The following FRMPD4 variants were observed in gnomAD, a reference collection of about 807,000 sequenced individuals.
FRMPD4 encodes the protein FERM and PDZ domain-containing protein 4.
Under a neutral mutation model 94.1 loss-of-function variants are expected in FRMPD4, and 22 were observed. The observed-to-expected ratio is 0.23, with a 90% CI of 0.17 to 0.33. The LOEUF (loss-of-function observed/expected upper bound fraction) is 0.33, where lower values mean the gene tolerates loss of function less well. Among genes scored for constraint, FRMPD4 ranks in the 10% least tolerant of loss-of-function variants. The pLI is 1.00. For synonymous variants in FRMPD4, 631 were observed against 548.6 expected, an observed-to-expected ratio of 1.15 and a Z score of -2.10; for missense variants, 1,111 against 1,339.9, an observed-to-expected ratio of 0.83 and a Z score of 2.67.
At chrX:12,291,338 G>T (rs1354939771) in intron 1 of FRMPD4, among the ~76,000 whole-genome samples, 2 of 111,608 alleles carry the variant, frequency 1.8e-5, no homozygotes, top group Non-Finnish European at 3.8e-5. Flanking sequence ...CTTATTCTTT[G>T]CTGGATGTTC....
At chrX:12,455,456 C>CTCA (rs1371426988) in intron 1 of FRMPD4, among the ~76,000 whole-genome samples, 3 of 111,885 alleles carry the variant, frequency 2.7e-5, no homozygotes, top group Non-Finnish European at 5.6e-5. Context: ...ATGTTAAGTC[C>CTCA]TCATCATTCA....
intron 4 of FRMPD4, among the ~76,000 whole-genome samples, chrX:12,630,653 T>C (rs1281150884): frequency 8.9e-6 from 1 of 111,974 alleles, no homozygotes; most frequent in East Asian, 2.8e-4. Context: ...TTGTGATGGC[T>C]TCCATGACCC....
chrX:12,508,759 C>T (rs1380897387), intron 2 of FRMPD4, among the ~76,000 whole-genome samples: 1 of 110,320 alleles, frequency 9.1e-6, no homozygotes, highest in Non-Finnish European at 1.9e-5. Context: ...TTTGGGAGGC[C>T]AAGGCGGGCA....
chrX:12,072,308 A>T (rs113793092), intron 3 of FRMPD4, among the ~76,000 whole-genome samples: 2 of 112,244 alleles, frequency 1.8e-5, no homozygotes, highest in African/African-American at 6.5e-5. Context: ...TTATTAAGAG[A>T]GGAATGATGG....
chrX:12,070,383 A>C (rs2054956793), intron 3 of FRMPD4, among the ~76,000 whole-genome samples: 1 of 112,081 alleles, frequency 8.9e-6, no homozygotes, highest in African/African-American at 3.2e-5. Flanking sequence ...TTTCTGGGTA[A>C]TTTCATGGTT....
intron 1 of FRMPD4, among the ~76,000 whole-genome samples, chrX:12,163,701 A>G (rs1442064187): frequency 8.9e-6 from 1 of 112,341 alleles, no homozygotes; most frequent in African/African-American, 3.2e-5. Context: ...GATTGTTGGA[A>G]AAATACAATC....
intron 1 of FRMPD4, among the ~76,000 whole-genome samples, chrX:12,305,725 G>T (rs376791891): frequency 5.5e-4 from 33 of 59,672 alleles, no homozygotes; most frequent in South Asian, 3.8e-3. Flanking sequence ...AGCTGGCTAA[G>T]TTTTTTTTTT....
chrX:12,543,282 T>C (rs2058436524), intron 2 of FRMPD4, among the ~76,000 whole-genome samples: 1 of 111,180 alleles, frequency 9.0e-6, no homozygotes, highest in Non-Finnish European at 1.9e-5. Flanking sequence ...CAAAAGAAAC[T>C]ACCATCAGAG....
intron 1 of FRMPD4, among the ~76,000 whole-genome samples, chrX:11,837,144 G>T (rs1234021894): frequency 8.9e-6 from 1 of 111,938 alleles, no homozygotes; most frequent in African/African-American, 3.2e-5. Flanking sequence ...TTTCTGGGCA[G>T]AGTTTAAGCA....
chrX:11,948,019 G>A (rs1366087971), intron 3 of FRMPD4, among the ~76,000 whole-genome samples: 2 of 106,154 alleles, frequency 1.9e-5, no homozygotes, highest in East Asian at 2.9e-4. Context: ...GAACCTGGGA[G>A]GTGGAGGTTG....
At chrX:11,994,275 T>C (rs750993660) in intron 3 of FRMPD4, among the ~76,000 whole-genome samples, 68 of 111,092 alleles carry the variant, frequency 6.1e-4, no homozygotes, top group African/African-American at 2.0e-3. Flanking sequence ...GGCACAGATA[T>C]AGGAGAACGA....
In FRMPD4 at chrX:12,387,283, T is replaced by C. The variant is rs183963342; in HGVS notation, c.42-111397T>C. 4.8e-4 allele frequency among the ~76,000 whole-genome samples: 54 copies of C among 112,585 alleles called. 3 individuals carry two copies. The highest frequency in any genetic ancestry group is 3.9e-3 in the Admixed American group (41 of 10,642). ...ACAAACATTCTCAGGGCCACAGATA[T>C]GTTAAACTTGCGTTAACACCATTTC... On this transcript the variant is annotated intron_variant, in intron 1 of 16. Coordinates refer to ENST00000675598, the MANE Select transcript of FRMPD4 (RefSeq NM_001368397.1).
At chrX:12,554,897 G>A (rs778515199) in intron 2 of FRMPD4, among the ~76,000 whole-genome samples, 65 of 111,612 alleles carry the variant, frequency 5.8e-4, no homozygotes, top group Non-Finnish European at 7.5e-4. Flanking sequence ...TTACAGGTGC[G>A]AGCCACCATG....
intron 2 of FRMPD4, among the ~76,000 whole-genome samples, chrX:12,562,888 G>A (rs944363457): frequency 6.2e-5 from 7 of 112,101 alleles, no homozygotes; most frequent in African/African-American, 9.7e-5. Context: ...GGGCTCAAGC[G>A]ATCCTCCTGC....
intron 1 of FRMPD4, among the ~76,000 whole-genome samples, chrX:12,455,982 C>A (rs1472932816): frequency 1.8e-4 from 20 of 111,103 alleles, no homozygotes; most frequent in Non-Finnish European, 3.2e-4. Flanking sequence ...TTAGTAGAGA[C>A]GGGGTTTCTC....
chrX:11,990,380 TGTG>T (rs375522387), intron 3 of FRMPD4, among the ~76,000 whole-genome samples: 30 of 112,338 alleles, frequency 2.7e-4, no homozygotes, highest in African/African-American at 9.4e-4. Context: ...ACTAGATAAA[TGTG>T]GTGGTTGCAT....
intron 1 of FRMPD4, among the ~76,000 whole-genome samples, chrX:12,309,195 GC>G (rs1295508776): frequency 9.0e-6 from 1 of 111,554 alleles, no homozygotes; most frequent in Non-Finnish European, 1.9e-5. Flanking sequence ...GTGGAATTTT[GC>G]CCAGGGGCTA....
intron 1 of FRMPD4, among the ~76,000 whole-genome samples, chrX:12,227,824 G>GGAGAGA (rs750580451): frequency 5.0e-4 from 47 of 94,590 alleles, no homozygotes; most frequent in Non-Finnish European, 7.7e-4. Flanking sequence ...AGAAAGAGAG[G>GGAGAGA]GAGAGAGAGA....
chrX:11,844,638 G>A (rs1390764158), intron 1 of FRMPD4, among the ~76,000 whole-genome samples: 11 of 111,226 alleles, frequency 9.9e-5, no homozygotes, highest in Non-Finnish European at 1.3e-4. Context: ...TAGTGGTTAG[G>A]TTTTCTTTTG....
Sources: allele counts gnomAD v4.1 joint callset (sites outside exome capture counted in the v4.1 genomes callset), GRCh38; gene constraint gnomAD v4.1.1; transcripts MANE v1.5; gene names NCBI Gene and HGNC (gene_info 2026-07-23, HGNC 2026-07-21).